PCSK2: variants seen among roughly 807,000 people sequenced by gnomAD.
The protein encoded by PCSK2 is proprotein convertase subtilisin/kexin type 2.
A neutral mutation model predicts 69.7 loss-of-function variants in PCSK2; 14 were observed. That is an observed-to-expected ratio of 0.20 (90% CI 0.13 to 0.31). PCSK2 has a LOEUF of 0.31. Ranked by LOEUF, PCSK2 falls within the 10% of genes least tolerant of loss-of-function variation. The pLI, the probability that PCSK2 is intolerant of heterozygous loss-of-function variation, is 1.00. For missense variants in PCSK2, 544 were observed against 842.5 expected (o/e 0.65, Z 4.39); for synonymous variants, 307 against 320.7 (o/e 0.96, Z 0.46).
chr20:17,255,377 T>C (rs1405813898), intron 1 of PCSK2, among the ~76,000 whole-genome samples: 1 of 152,068 alleles, frequency 6.6e-6, no homozygotes, highest in Non-Finnish European at 1.5e-5. Context: ...AGTCTCGCTC[T>C]GTTGTCCAGG....
chr20:17,383,572 AG>A (rs1385953528), intron 5 of PCSK2, among the ~76,000 whole-genome samples: 2 of 152,322 alleles, frequency 1.3e-5, no homozygotes, highest in East Asian at 3.9e-4. Context: ...GATTTCTCAA[AG>A]CATGCAATTT....
At chr20:17,398,102 C>A (rs1288753705) in intron 5 of PCSK2, among the ~76,000 whole-genome samples, 1 of 152,156 alleles carries the variant, frequency 6.6e-6, no homozygotes, top group Non-Finnish European at 1.5e-5. Flanking sequence ...AAATCAATTT[C>A]TTCCTGTGGA....
intron 2 of PCSK2, among the ~76,000 whole-genome samples, chr20:17,305,210 G>A (rs148283578): frequency 1.6e-3 from 238 of 152,256 alleles, no homozygotes; most frequent in African/African-American, 5.5e-3. Context: ...GGAAACACTC[G>A]TATAAATAAT....
chr20:17,357,737 A>C (rs535702839), intron 2 of PCSK2, among the ~76,000 whole-genome samples: 3 of 152,160 alleles, frequency 2.0e-5, no homozygotes, highest in Non-Finnish European at 2.9e-5. Flanking sequence ...TCTACTAAAA[A>C]TACAAAATTA....
intron 7 of PCSK2, among the ~76,000 whole-genome samples, chr20:17,436,488 T>G (rs890608): frequency 0.56 from 85,796 of 152,044 alleles, 24,515 homozygotes; most frequent in South Asian, 0.68. Context: ...AATAAAATTG[T>G]CTTTAAATCA....
chr20:17,262,698 A>T (rs1479784609), intron 2 of PCSK2, among the ~76,000 whole-genome samples: 1 of 152,234 alleles, frequency 6.6e-6, no homozygotes, highest in Non-Finnish European at 1.5e-5. Flanking sequence ...AAATAAGTCT[A>T]GAGTAGGAAT....
At chr20:17,440,599 G>A (rs192380320) in intron 8 of PCSK2, among the ~76,000 whole-genome samples, 5 of 152,248 alleles carry the variant, frequency 3.3e-5, no homozygotes, top group African/African-American at 1.2e-4. Context: ...AGTGGCTCAC[G>A]CCTGTAATCC....
At chr20:17,358,724 C>G (rs957822596) in intron 3 of PCSK2, among the ~76,000 whole-genome samples, 16 of 152,150 alleles carry the variant, frequency 1.1e-4, no homozygotes, top group Non-Finnish European at 1.6e-4. Context: ...CAGTGTATGA[C>G]TGAAGATTAG....
chr20:17,232,666 G>T (rs1986183287), intron 1 of PCSK2, among the ~76,000 whole-genome samples: 1 of 152,166 alleles, frequency 6.6e-6, no homozygotes, highest in Non-Finnish European at 1.5e-5. Flanking sequence ...GTTCAATCCA[G>T]ATTATATGCT....
chr20:17,352,847 C>T (rs555342226), intron 2 of PCSK2, among the ~76,000 whole-genome samples: 10 of 152,138 alleles, frequency 6.6e-5, no homozygotes, highest in South Asian at 4.1e-4. Context: ...AATTGACAGG[C>T]GGACCTAATT....
chr20:17,275,112 T>TAA (rs1239412545), intron 2 of PCSK2, among the ~76,000 whole-genome samples: 12 of 135,256 alleles, frequency 8.9e-5, no homozygotes, highest in Middle Eastern at 3.9e-3. Flanking sequence ...TATATATATA[T>TAA]AATGTTGGGC....
Position 17,369,242 on chromosome 20 carries a change from A to G in PCSK2, c.508A>G (p.Ile170Val), listed in dbSNP as rs1406355009. Reference sequence around the variant, plus strand: ...GTGTTATTGTTGTCTTTTCACAGGGATTGACTATCTCCACCCGGACCTGGC... The same window carrying G: ...GTGTTATTGTTGTCTTTTCACAGGGGTTGACTATCTCCACCCGGACCTGGC... ...GVTIGIMDDG[I>V]DYLHPDLASN... Residue 170 changes from isoleucine to valine, a missense_variant and splice_region_variant, in exon 5 of 12, where the codon ATT (isoleucine) becomes GTT (valine). Physicochemically the swap from Ile to Val is conservative, Grantham distance 29. Transcript: ENST00000262545. The G allele has an allele frequency of 3.7e-6, 6 of 1,613,602 alleles. No homozygotes were observed. The African/African-American group carries it at 4.0e-5, about 11-fold the overall frequency.
chr20:17,300,600 T>A (rs1989048303), intron 2 of PCSK2, among the ~76,000 whole-genome samples: 1 of 152,260 alleles, frequency 6.6e-6, no homozygotes, highest in South Asian at 2.1e-4. Context: ...TCTCTCTGGA[T>A]ATTTAAGAAG....
chr20:17,328,550 A>C (rs1990127010), intron 2 of PCSK2, among the ~76,000 whole-genome samples: 1 of 152,054 alleles, frequency 6.6e-6, no homozygotes, highest in Non-Finnish European at 1.5e-5. Flanking sequence ...TTTGTAATGC[A>C]GATAATTACC....
chr20:17,249,504 CAAAA>C (rs56315843), intron 1 of PCSK2, among the ~76,000 whole-genome samples: 1 of 112,370 alleles, frequency 8.9e-6, no homozygotes. Flanking sequence ...GACTCTGTCT[CAAAA>C]AAAAAAAAAA....
intron 2 of PCSK2, among the ~76,000 whole-genome samples, chr20:17,347,375 A>G (rs1357543851): frequency 6.6e-6 from 1 of 152,074 alleles, no homozygotes; most frequent in African/African-American, 2.4e-5. Flanking sequence ...CTCGACAACC[A>G]AAGCCAGCAG....
At chr20:17,238,808 C>T (rs1200202988) in intron 1 of PCSK2, among the ~76,000 whole-genome samples, 2 of 152,130 alleles carry the variant, frequency 1.3e-5, no homozygotes, top group African/African-American at 4.8e-5. Context: ...TCAAGGATTC[C>T]ACACCAACAA....
At chr20:17,280,280 A>G (rs1988257797) in intron 2 of PCSK2, among the ~76,000 whole-genome samples, 1 of 152,244 alleles carries the variant, frequency 6.6e-6, no homozygotes, top group African/African-American at 2.4e-5. Context: ...ATGACTGCAT[A>G]AGATTCCAAA....
intron 2 of PCSK2, among the ~76,000 whole-genome samples, chr20:17,335,199 G>GAGGGC (rs1324189975): frequency 2.0e-5 from 3 of 151,794 alleles, no homozygotes; most frequent in Non-Finnish European, 4.4e-5. Context: ...AGATTGGGGG[G>GAGGGC]GTTGTCTGAA....
Sources: allele counts gnomAD v4.1 joint callset (sites outside exome capture counted in the v4.1 genomes callset), GRCh38; gene constraint gnomAD v4.1.1; transcripts MANE v1.5; gene names NCBI Gene and HGNC (gene_info 2026-07-23, HGNC 2026-07-21).